The following PREX2 variants were observed in gnomAD, a reference collection of about 807,000 sequenced individuals.
The protein encoded by PREX2 is phosphatidylinositol 3,4,5-trisphosphate-dependent Rac exchanger 2 protein.
Under a neutral mutation model 203.2 loss-of-function variants are expected in PREX2, and 107 were observed. That is an observed-to-expected ratio of 0.53 (90% CI 0.45 to 0.62). The LOEUF (loss-of-function observed/expected upper bound fraction) is 0.62, where lower values mean the gene tolerates loss of function less well. Among genes scored for constraint, PREX2 ranks in the 20% least tolerant of loss-of-function variants. The pLI is 0.00. For missense variants in PREX2, 1,777 were observed against 1,955.9 expected, an observed-to-expected ratio of 0.91 and a Z score of 1.72; for synonymous variants, 672 against 663.6, an observed-to-expected ratio of 1.01 and a Z score of -0.19.
chr8:67,966,103 T>C (rs1437601419), intron 1 of PREX2, among the ~76,000 whole-genome samples: 2 of 152,194 alleles, frequency 1.3e-5, no homozygotes, highest in African/African-American at 4.8e-5. Flanking sequence ...GAGAGCTTAG[T>C]ACTTGACTGG....
chr8:68,222,632 T>A (rs1812975827), intron 38 of PREX2, among the ~76,000 whole-genome samples: 1 of 149,298 alleles, frequency 6.7e-6, no homozygotes, highest in Non-Finnish European at 1.5e-5. Context: ...GAGGCTAAAA[T>A]CAGTGAGTGA....
rs568882657 is a variant in PREX2 at position 68,202,152 on chromosome 8, G to A, written c.4604+9627G>A. Among the ~76,000 whole-genome samples, 28 of 152,004 alleles carry A rather than the reference G, an allele frequency of 1.8e-4. No homozygotes were observed. The East Asian group carries it at 4.9e-3, about 26-fold the overall frequency. ...CCTGAACTCGTGATCCACCCACCTC[G>A]GCCTCCCAAAGTGCTGGGATTACAG... On this transcript the variant is annotated intron_variant, in intron 37 of 39. Transcript: ENST00000288368.
intron 31 of PREX2, among the ~76,000 whole-genome samples, chr8:68,132,355 G>A (rs190280264): frequency 1.3e-5 from 2 of 151,682 alleles, no homozygotes; most frequent in African/African-American, 4.8e-5. Context: ...TAGTAGCATG[G>A]GGCACATGTT....
intron 23 of PREX2, chr8:68,102,713 T>G (rs568878158): frequency 1.3e-5 from 5 of 395,912 alleles, no homozygotes; most frequent in Non-Finnish European, 2.5e-5. Flanking sequence ...CTTTACCTTA[T>G]TTTGACTCTG....
chr8:68,008,235 A>C (rs561794921), intron 1 of PREX2, among the ~76,000 whole-genome samples: 33 of 152,228 alleles, frequency 2.2e-4, no homozygotes, highest in Non-Finnish European at 3.5e-4. Context: ...CTAAATACTC[A>C]GGATATTTTC....
chr8:68,194,124 T>G (rs1403099566), intron 37 of PREX2, among the ~76,000 whole-genome samples: 1 of 152,210 alleles, frequency 6.6e-6, no homozygotes, highest in East Asian at 1.9e-4. Flanking sequence ...TTCCTTCTGA[T>G]AAGCTTATGT....
chr8:67,984,088 C>A (rs923196961), intron 1 of PREX2, among the ~76,000 whole-genome samples: 4 of 152,188 alleles, frequency 2.6e-5, no homozygotes, highest in African/African-American at 9.7e-5. Context: ...GAATTTCTGT[C>A]CATTCTTTAG....
intron 37 of PREX2, among the ~76,000 whole-genome samples, chr8:68,210,059 G>T (rs1018087338): frequency 1.3e-5 from 2 of 152,258 alleles, no homozygotes; most frequent in Non-Finnish European, 2.9e-5. Flanking sequence ...AAGTCTAAAC[G>T]TGTATCCCTA....
chr8:68,148,659 T>C (rs1811373605), intron 34 of PREX2, among the ~76,000 whole-genome samples: 1 of 152,246 alleles, frequency 6.6e-6, no homozygotes, highest in South Asian at 2.1e-4. Flanking sequence ...TAAAATGTAA[T>C]TTAAAGAAAA....
chr8:68,209,512 T>A (rs1319094175), intron 37 of PREX2, among the ~76,000 whole-genome samples: 1 of 152,196 alleles, frequency 6.6e-6, no homozygotes, highest in Admixed American at 6.5e-5. Flanking sequence ...TCTCAGACTG[T>A]CCTTATATAC....
At chr8:68,047,171 G>A (rs1417792895) in intron 8 of PREX2, among the ~76,000 whole-genome samples, 1 of 151,948 alleles carries the variant, frequency 6.6e-6, no homozygotes, top group African/African-American at 2.4e-5. Context: ...AATGATCTGG[G>A]TGCTGCATGA....
intron 6 of PREX2, among the ~76,000 whole-genome samples, chr8:68,033,696 A>G (rs1807949734): frequency 6.6e-6 from 1 of 152,190 alleles, no homozygotes; most frequent in Non-Finnish European, 1.5e-5. Flanking sequence ...ACTGAAGATC[A>G]AAATCCAAGA....
chr8:68,114,186 A>G (rs1032588010), intron 25 of PREX2: 147 of 357,914 alleles, frequency 4.1e-4, no homozygotes, highest in African/African-American at 2.3e-3. Context: ...ATAAACTACT[A>G]TATCCACAGC....
chr8:67,990,700 A>G (rs1401968550), intron 1 of PREX2, among the ~76,000 whole-genome samples: 1 of 151,806 alleles, frequency 6.6e-6, no homozygotes, highest in Non-Finnish European at 1.5e-5. Flanking sequence ...TTTAGTAGAG[A>G]TAGGGTTTCA....
chr8:67,983,268 T>A (rs952152092), intron 1 of PREX2, among the ~76,000 whole-genome samples: 3 of 78,736 alleles, frequency 3.8e-5, no homozygotes, highest in Non-Finnish European at 8.3e-5. Flanking sequence ...AAACTATGTT[T>A]TACCTTGGCC....
At chr8:68,176,232 C>G (rs1256736717) in intron 35 of PREX2, among the ~76,000 whole-genome samples, 1 of 152,090 alleles carries the variant, frequency 6.6e-6, no homozygotes, top group Non-Finnish European at 1.5e-5. Context: ...CCTTTCTAGT[C>G]TTAAGGAGAA....
At chr8:68,171,602 A>G (rs1475920750) in intron 35 of PREX2, among the ~76,000 whole-genome samples, 4 of 152,204 alleles carry the variant, frequency 2.6e-5, no homozygotes, top group Non-Finnish European at 2.9e-5. Flanking sequence ...GTGAAGGGAC[A>G]GTGGGACTTC....
At chr8:68,197,163 C>T (rs1812413056) in intron 37 of PREX2, among the ~76,000 whole-genome samples, 1 of 151,720 alleles carries the variant, frequency 6.6e-6, no homozygotes, top group African/African-American at 2.4e-5. Context: ...TTCACAAGAC[C>T]CCCACTCTCA....
At chr8:68,063,847 T>C (rs946143015) in intron 11 of PREX2, among the ~76,000 whole-genome samples, 2 of 152,224 alleles carry the variant, frequency 1.3e-5, no homozygotes, top group African/African-American at 4.8e-5. Flanking sequence ...AATAGAATAA[T>C]TCTATTAGAA....
Sources: gnomAD v4.1 joint callset for allele counts (sites outside exome capture counted in the v4.1 genomes callset) on GRCh38, gnomAD v4.1.1 for gene constraint, MANE v1.5 for transcripts, NCBI Gene and HGNC (gene_info 2026-07-23, HGNC 2026-07-21) for gene names.